Variants in PDXDC1 observed in about 807,000 individuals in gnomAD.
The protein encoded by PDXDC1 is pyridoxal dependent decarboxylase domain containing 1.
PDXDC1 carries 42 observed loss-of-function variants against 100.1 expected under a neutral mutation model. That is an observed-to-expected ratio of 0.42 (90% confidence interval 0.33 to 0.54). The LOEUF is 0.54. Among genes scored for constraint, PDXDC1 ranks in the 20% least tolerant of loss-of-function variants. The pLI, the probability that PDXDC1 is intolerant of heterozygous loss-of-function variation, is 0.10. For missense variants in PDXDC1, 636 were observed against 979.2 expected (o/e 0.65, Z 4.68); for synonymous variants, 260 against 371.7 (o/e 0.70, Z 3.46).
intron 16 of PDXDC1, chr16:15,126,066 G>A (rs533163748): frequency 2.8e-4 from 148 of 531,124 alleles, no homozygotes; most frequent in Non-Finnish European, 4.2e-4. Flanking sequence ...ATGGAGTCTC[G>A]CTCTGTCACC....
At chr16:15,133,056 C>T in intron 16 of PDXDC1, 2 of 711,840 alleles carry the variant, frequency 2.8e-6, no homozygotes, top group South Asian at 1.9e-5. Flanking sequence ...CCCTCCTGGG[C>T]GGGGGCTGCA....
intron 16 of PDXDC1, chr16:15,072,883 T>C: frequency 6.4e-7 from 1 of 1,564,486 alleles, no homozygotes; most frequent in Non-Finnish European, 8.7e-7. Flanking sequence ...TCCACCCCAG[T>C]TTTTAGGGAA....
intron 16 of PDXDC1, chr16:15,131,775 GGGAGCCGGAGGGTGGGGGCTGGGA>G: frequency 1.7e-6 from 1 of 589,534 alleles, no homozygotes; most frequent in Non-Finnish European, 2.9e-6. Context: ...GGCAAAAAGG[GGGAGCCGGAGGGTGGGGGCTGGGA>G]GAAAGGGGGA....
chr16:15,030,204 A>G lies in PDXDC1; in HGVS notation c.1399+148A>G, dbSNP rs1597653208. The G allele has an allele frequency of 2.5e-5, 17 of 681,180 alleles. No individual in the cohort carries two copies. In the East Asian group the frequency reaches 4.7e-4, roughly 19 times the overall value. The allele number at this position is 681,180 out of a possible 1,614,324, so 42.2% of individuals were successfully genotyped here. A position where few individuals can be genotyped will look rare whatever the true frequency, so the allele number is the denominator to read the frequency against. On this transcript the variant is annotated intron_variant, in intron 16 of 22. Coordinates refer to ENST00000396410, the MANE Select transcript of PDXDC1 (RefSeq NM_015027.4). ...TTTCTTTTGGGCTAAATTTAGGTAGATTAGCATTCCCATGTAACTTACCAG... is the reference window on the plus strand; with the variant it reads ...TTTCTTTTGGGCTAAATTTAGGTAGGTTAGCATTCCCATGTAACTTACCAG...
the PDXDC1 span, among the ~76,000 whole-genome samples, chr16:15,151,824 G>C: frequency 7.6e-6 from 1 of 132,192 alleles, no homozygotes. Flanking sequence ...CCAGCTACTC[G>C]GGAGGCTGAG....
chr16:15,149,390 T>C, the PDXDC1 span, among the ~76,000 whole-genome samples: 1 of 152,196 alleles, frequency 6.6e-6, no homozygotes, highest in Non-Finnish European at 1.5e-5. Flanking sequence ...ATGGAGGCCT[T>C]GGTGACAATC....
rs1384223854 is a variant in PDXDC1, at chr16:14,980,401, C to T, written c.21+5181C>T. On this transcript the variant is annotated intron_variant, in intron 1 of 22. Coordinates refer to ENST00000396410, the MANE Select transcript of PDXDC1 (RefSeq NM_015027.4). ...ACCTCTGCCCCACTGCAACCTCTGC[C>T]CCCTGGGTTCAAGCAATTCTCCTGC... Among the ~76,000 whole-genome samples, 19 of 152,384 alleles carry T rather than the reference C, an allele frequency of 1.2e-4. No individual in the cohort carries two copies. The South Asian group carries it at 2.1e-3, about 17-fold the overall frequency.
At chr16:15,110,661 G>C (rs2047007947) in intron 16 of PDXDC1, 1 of 1,571,754 alleles carries the variant, frequency 6.4e-7, no homozygotes, top group Non-Finnish European at 8.6e-7. Flanking sequence ...GCAAGAAGCT[G>C]TTCTTTCCCT....
rs1455295260 is a variant in PDXDC1, at chr16:15,133,964, G to C, written c.1400-4915G>C. On this transcript the variant is annotated intron_variant, in intron 16 of 16. Transcript: ENST00000535621. ...TCAGCGTGAAGGTGTATCCCTCGCCGTCCCGCAGCACGCCCCGCCGCAGCA... is the reference window on the plus strand; with the variant it reads ...TCAGCGTGAAGGTGTATCCCTCGCCCTCCCGCAGCACGCCCCGCCGCAGCA... The C allele has an allele frequency of 1.9e-5, 25 of 1,348,376 alleles. No homozygotes were observed. The East Asian group carries it at 6.2e-4, about 33-fold the overall frequency. 83.5% of individuals were successfully genotyped at this position (1,348,376 alleles called of 1,614,324 possible).
chr16:15,002,668 A>G (rs1427741460), intron 4 of PDXDC1, among the ~76,000 whole-genome samples: 3 of 152,276 alleles, frequency 2.0e-5, no homozygotes, highest in African/African-American at 7.2e-5. Flanking sequence ...AAGTCCTGAA[A>G]GTGGAGTTGC....
intron 16 of PDXDC1, among the ~76,000 whole-genome samples, chr16:15,111,885 G>A (rs141704557): frequency 6.7e-6 from 1 of 149,146 alleles, no homozygotes; most frequent in Non-Finnish European, 1.5e-5. Flanking sequence ...TTCACAACTT[G>A]AAAAGGAAGG....
chr16:15,044,458 G>A, intron 16 of PDXDC1: 1 of 1,169,414 alleles, frequency 8.6e-7, no homozygotes, highest in Non-Finnish European at 1.3e-6. Flanking sequence ...ACCGGTGCGT[G>A]CGCTGGTCTC....
intron 16 of PDXDC1, among the ~76,000 whole-genome samples, chr16:15,117,743 A>C (rs1360639626): frequency 1.9e-5 from 2 of 104,084 alleles, no homozygotes; most frequent in East Asian, 5.2e-4. Flanking sequence ...TTTATACCAA[A>C]AATTCTCTGT....
At chr16:15,139,953 G>A (rs1403849087), downstream of PDXDC1, among the ~76,000 whole-genome samples, 2 of 151,948 alleles carry the variant, frequency 1.3e-5, no homozygotes, top group African/African-American at 4.8e-5. Context: ...AAAATTAGGT[G>A]GGCGTGGTGG....
At chr16:14,984,495 A>ATATATATATATATATATAT (rs1555542734) in intron 1 of PDXDC1, among the ~76,000 whole-genome samples, 3 of 73,482 alleles carry the variant, frequency 4.1e-5, no homozygotes, top group Admixed American at 2.5e-4. Flanking sequence ...ATATATATAT[A>ATATATATATATATATATAT]TTTTTTTTTT....
chr16:15,054,888 C>T (rs2044441439), intron 16 of PDXDC1, among the ~76,000 whole-genome samples: 1 of 152,142 alleles, frequency 6.6e-6, no homozygotes, highest in Admixed American at 6.5e-5. Flanking sequence ...ACAGATGAAA[C>T]CTCTAAATGC....
intron 2 of PDXDC1, among the ~76,000 whole-genome samples, 195 bp downstream of exon 2, chr16:14,998,021 A>G (rs1567640106): frequency 6.6e-6 from 1 of 152,284 alleles, no homozygotes; most frequent in Non-Finnish European, 1.5e-5. Flanking sequence ...GGAAAGACTT[A>G]TACTATTTAA....
the PDXDC1 span, among the ~76,000 whole-genome samples, chr16:15,149,642 G>A: frequency 6.6e-6 from 1 of 152,230 alleles, no homozygotes; most frequent in East Asian, 1.9e-4. Context: ...AGGTGGGAAA[G>A]GGCAAGGCCC....
intron 1 of PDXDC1, chr16:14,989,974 ACGGCT>A: frequency 1.3e-5 from 19 of 1,459,944 alleles, no homozygotes; most frequent in Non-Finnish European, 1.7e-5. Context: ...AGGCAGGCAG[ACGGCT>A]CGGTGGCGCC....
Sources: gnomAD v4.1 joint callset for allele counts (sites outside exome capture counted in the v4.1 genomes callset) on GRCh38, gnomAD v4.1.1 for gene constraint, MANE v1.5 for transcripts, NCBI Gene and HGNC (gene_info 2026-07-23, HGNC 2026-07-21) for gene names.